DISP1: variants seen among roughly 807,000 people sequenced by gnomAD.
The protein encoded by DISP1 is dispatched RND transporter family member 1.
In DISP1, 30 loss-of-function variants were observed where a neutral mutation model predicts 37.3. The observed-to-expected ratio is 0.80, with a 90% CI of 0.60 to 1.09. DISP1 has a LOEUF of 1.09. Among genes scored for constraint, DISP1 ranks in the 50% least tolerant of loss-of-function variants. The probability of loss-of-function intolerance (pLI) is 0.00; values close to 1 mark genes in which losing one functional copy is unlikely to be tolerated. For missense variants in DISP1, 1,598 were observed against 1,879.5 expected (o/e 0.85, Z 2.77); for synonymous variants, 634 against 690.2 (o/e 0.92, Z 1.28).
intron 1 of DISP1, among the ~76,000 whole-genome samples, chr1:222,858,398 A>G (rs1454902197): frequency 6.6e-6 from 1 of 152,208 alleles, no homozygotes; most frequent in South Asian, 2.1e-4. Context: ...TCTAGGCAAT[A>G]CCATTCAGGA....
At chr1:222,860,320 C>T (rs1248643640) in intron 1 of DISP1, among the ~76,000 whole-genome samples, 1 of 152,126 alleles carries the variant, frequency 6.6e-6, no homozygotes. Flanking sequence ...TCCCAAAGTG[C>T]TGGGATTACA....
Position 222,943,223 on chromosome 1 carries a change from G to A in DISP1, c.400G>A (p.Val134Met). 1 of 1,611,798 alleles carries A rather than the reference G, an allele frequency of 6.2e-7. No homozygotes were observed. Residue 134 changes from valine (V) to methionine (M), a missense_variant, in exon 3 of 9, where the codon GTG (valine) becomes ATG (methionine). By Grantham distance (21) the Val-to-Met change is conservative. Coordinates refer to ENST00000675850, the MANE Select transcript of DISP1 (RefSeq NM_001377229.1). ...ATCTCTTTGTCCAAATCATTCACCT[G>A]TGTATCAGACTACGTGCTGTCTTCA... ...SASLCPNHSP[V>M]YQTTCCLQPS...
At chr1:222,867,222 G>A (rs1669244392) in intron 1 of DISP1, among the ~76,000 whole-genome samples, 1 of 152,166 alleles carries the variant, frequency 6.6e-6, no homozygotes, top group Non-Finnish European at 1.5e-5. Flanking sequence ...ACCCTTGATG[G>A]TCATTGAACA....
intron 1 of DISP1, among the ~76,000 whole-genome samples, chr1:222,839,930 C>CAAAA (rs113532897): frequency 1.5e-4 from 22 of 145,502 alleles, no homozygotes; most frequent in African/African-American, 4.8e-4. Context: ...AAGACTGTCT[C>CAAAA]AAAAAAAAAA....
intron 1 of DISP1, among the ~76,000 whole-genome samples, chr1:222,877,797 C>T (rs923382994): frequency 1.3e-5 from 2 of 152,126 alleles, no homozygotes; most frequent in African/African-American, 2.4e-5. Context: ...TTGAAAGGCT[C>T]CTTGAGAAGA....
At chr1:222,999,838 T>C (rs1679315366) in intron 8 of DISP1, among the ~76,000 whole-genome samples, 1 of 152,166 alleles carries the variant, frequency 6.6e-6, no homozygotes, top group African/African-American at 2.4e-5. Flanking sequence ...CTGTCCTTAT[T>C]TCTTACCCTG....
At chr1:222,828,955 C>T (rs1246517203) in intron 1 of DISP1, among the ~76,000 whole-genome samples, 5 of 152,082 alleles carry the variant, frequency 3.3e-5, no homozygotes, top group Admixed American at 1.3e-4. Flanking sequence ...TTGTATTGAA[C>T]ATGTGGGCTG....
At chr1:222,957,841 G>A (rs1675730534) in intron 3 of DISP1, among the ~76,000 whole-genome samples, 1 of 152,166 alleles carries the variant, frequency 6.6e-6, no homozygotes, top group African/African-American at 2.4e-5. Flanking sequence ...CTTAGGACCA[G>A]GCTATAGTAA....
At chr1:222,946,994 T>G (rs1674833533) in intron 3 of DISP1, among the ~76,000 whole-genome samples, 1 of 152,226 alleles carries the variant, frequency 6.6e-6, no homozygotes, top group African/African-American at 2.4e-5. Flanking sequence ...TTGTGTGTGT[T>G]TGTGATTTTT....
chr1:222,920,883 G>C (rs1290156569), intron 1 of DISP1, among the ~76,000 whole-genome samples: 1 of 152,020 alleles, frequency 6.6e-6, no homozygotes, highest in African/African-American at 2.4e-5. Context: ...AATGCTTTCT[G>C]TATAGTGATA....
At chr1:222,904,551 CT>C (rs934946145) in intron 1 of DISP1, among the ~76,000 whole-genome samples, 6 of 149,716 alleles carry the variant, frequency 4.0e-5, no homozygotes, top group East Asian at 2.0e-4. Context: ...TTCAGAGACT[CT>C]TTTTTTTTAT....
chr1:222,861,213 A>C (rs1668862862), intron 1 of DISP1, among the ~76,000 whole-genome samples: 1 of 152,080 alleles, frequency 6.6e-6, no homozygotes, highest in Non-Finnish European at 1.5e-5. Flanking sequence ...CTTAGCCTGT[A>C]AGTTCTCTTG....
intron 1 of DISP1, among the ~76,000 whole-genome samples, chr1:222,913,265 G>A (rs950184604): frequency 7.2e-5 from 11 of 151,982 alleles, no homozygotes; most frequent in African/African-American, 2.4e-4. Flanking sequence ...TTATTTTATA[G>A]GATATTAACA....
chr1:222,923,229 G>C (rs542533695), intron 1 of DISP1, among the ~76,000 whole-genome samples: 1 of 152,252 alleles, frequency 6.6e-6, no homozygotes, highest in South Asian at 2.1e-4. Context: ...AAAGAGACAT[G>C]GTGGTCAAGA....
intron 1 of DISP1, among the ~76,000 whole-genome samples, chr1:222,824,593 T>C (rs1418222829): frequency 6.6e-6 from 1 of 151,630 alleles, no homozygotes; most frequent in African/African-American, 2.4e-5. Flanking sequence ...TGTTCCACTT[T>C]AAGTATTTGT....
intron 1 of DISP1, among the ~76,000 whole-genome samples, chr1:222,863,614 A>G (rs1285443941): frequency 6.6e-6 from 1 of 152,004 alleles, no homozygotes; most frequent in Admixed American, 6.6e-5. Context: ...CTTACACTCA[A>G]TAATTTTAGC....
intron 3 of DISP1, among the ~76,000 whole-genome samples, chr1:222,966,862 T>TC (rs142588490): frequency 0.056 from 8,496 of 152,014 alleles, 815 homozygotes; most frequent in African/African-American, 0.19. Flanking sequence ...ATTTAAGAAC[T>TC]CCCCCCACCA....
At chr1:222,849,754 C>G (rs563264360) in intron 1 of DISP1, among the ~76,000 whole-genome samples, 1 of 152,120 alleles carries the variant, frequency 6.6e-6, no homozygotes, top group Non-Finnish European at 1.5e-5. Context: ...AAATTAAAAA[C>G]CCAAATAAAG....
At chr1:222,822,768 G>A (rs1259790430) in intron 1 of DISP1, among the ~76,000 whole-genome samples, 1 of 152,182 alleles carries the variant, frequency 6.6e-6, no homozygotes, top group Non-Finnish European at 1.5e-5. Context: ...CAGAGTGAGT[G>A]GTGTGATCAT....
Sources: gnomAD v4.1 joint callset for allele counts (sites outside exome capture counted in the v4.1 genomes callset) on GRCh38, gnomAD v4.1.1 for gene constraint, MANE v1.5 for transcripts, NCBI Gene and HGNC (gene_info 2026-07-23, HGNC 2026-07-21) for gene names.